SMARCB1: variants seen among roughly 807,000 people sequenced by gnomAD.
The protein encoded by SMARCB1 is SWI/SNF related BAF chromatin remodeling complex subunit B1.
SMARCB1 carries 5 observed loss-of-function variants against 49.0 expected under a neutral mutation model. The ratio of observed to expected loss-of-function variants is 0.10; its 90% confidence interval spans 0.05 to 0.21. The LOEUF (loss-of-function observed/expected upper bound fraction) is 0.21, where lower values mean the gene tolerates loss of function less well. Ranked by LOEUF, SMARCB1 falls within the 10% of genes least tolerant of loss-of-function variation. The pLI, the probability that SMARCB1 is intolerant of heterozygous loss-of-function variation, is 1.00. For missense variants in SMARCB1, 226 were observed against 509.2 expected (o/e 0.44, Z 5.35); for synonymous variants, 201 against 200.1 (o/e 1.00, Z -0.04).
At chr22:23,834,074 C>G (rs2146044282) in intron 8 of SMARCB1, 67 bp from the exon 9 acceptor site, 1 of 1,521,816 alleles carries the variant, frequency 6.6e-7, no homozygotes, top group South Asian at 1.2e-5. Flanking sequence ...CCTGTAGAGC[C>G]TTGGGAAGGG....
At position 23,825,432 on chromosome 22, in the gene SMARCB1, GTCTC is replaced by G. The variant is rs1365585745; in HGVS notation, c.986+20_986+23del. The G allele has an allele frequency of 2.5e-6, 4 of 1,608,430 alleles. No individual in the cohort carries two copies. The highest frequency in any genetic ancestry group is 3.4e-6 in the Non-Finnish European group (4 of 1,175,000). The stretch of plus-strand genomic sequence containing the variant: ...CGCCTTCAGGTAGGATCATGCATGA[GTCTC>G]TCCCTCCCTCATCTCCCTGCAAAAC... On this transcript the variant is annotated intron_variant, in intron 7 of 8. Transcript: ENST00000644036.
chr22:23,833,986 C>G (rs900023752), intron 8 of SMARCB1, among the ~76,000 whole-genome samples, 155 bp from the exon 9 acceptor site: 1 of 152,192 alleles, frequency 6.6e-6, no homozygotes, highest in African/African-American at 2.4e-5. Flanking sequence ...GGCAGACAGG[C>G]GAGGCTGAGA....
In SMARCB1 at chr22:23,837,460, GTC is replaced by G; in HGVS notation, c.*3281_*3282del. On this transcript the variant is annotated 3_prime_UTR_variant, in exon 9 of 9. Coordinates refer to ENST00000644036, the MANE Select transcript of SMARCB1 (RefSeq NM_003073.5). ...GGACCGTGCAAGCATCAGTAGATCC[GTC>G]CTGACGATGCAAATTATGTGGGCCG... 1 of 669,432 alleles carries G rather than the reference GTC, an allele frequency of 1.5e-6. No individual in the cohort carries two copies. Among genetic ancestry groups the G allele is most frequent in the Non-Finnish European group, 2.5e-6 (1 of 397,686 alleles). 41.5% of individuals were successfully genotyped at this position (669,432 alleles called of 1,614,324 possible). A position where few individuals can be genotyped will look rare whatever the true frequency, so the allele number is the denominator to read the frequency against.
At chr22:23,828,567 T>C (rs2146032989) in intron 7 of SMARCB1, among the ~76,000 whole-genome samples, 1 of 152,184 alleles carries the variant, frequency 6.6e-6, no homozygotes, top group South Asian at 2.1e-4. Context: ...GGCAGGAGAA[T>C]TGCTTGAACC....
At chr22:23,797,988 G>A (rs1237042342) in intron 3 of SMARCB1, among the ~76,000 whole-genome samples, 2 of 152,190 alleles carry the variant, frequency 1.3e-5, no homozygotes, top group African/African-American at 2.4e-5. Context: ...CACATTCACT[G>A]TGTCTAGTGA....
At chr22:23,811,245 A>T (rs1224497355) in intron 5 of SMARCB1, among the ~76,000 whole-genome samples, 1 of 152,228 alleles carries the variant, frequency 6.6e-6, no homozygotes, top group East Asian at 1.9e-4. Flanking sequence ...TATGTGAAAC[A>T]GTATCAGATA....
rs1054142910 is a variant in SMARCB1 at position 23,792,022 on chromosome 22, G to A, written c.232+128G>A. On this transcript the variant is annotated intron_variant, in intron 2 of 8. Coordinates refer to ENST00000644036, the MANE Select transcript of SMARCB1 (RefSeq NM_003073.5). ...TTAGTCGGGCAGGGAGCATCCCGGGGTGGGCCGCCCTGTGAGCACTCCAGG... is the reference window on the plus strand; with the variant it reads ...TTAGTCGGGCAGGGAGCATCCCGGGATGGGCCGCCCTGTGAGCACTCCAGG... 8.0e-6 allele frequency: 8 copies of A among 1,000,576 alleles called. No individual in the cohort carries two copies. In the Middle Eastern group the frequency reaches 1.0e-3, roughly 126 times the overall value. The allele number at this position is 1,000,576 out of a possible 1,614,324, so 62.0% of individuals were successfully genotyped here.
In SMARCB1 at chr22:23,793,369, A is replaced by G. The variant is rs1015333100; in HGVS notation, c.233-190A>G. The G allele has an allele frequency of 9.7e-6, 7 of 719,174 alleles. No homozygotes were observed. The Admixed American group carries it at 1.1e-4, about 11-fold the overall frequency. The allele number at this position is 719,174 out of a possible 1,614,324, so 44.5% of individuals were successfully genotyped here. A position where few individuals can be genotyped will look rare whatever the true frequency, so the allele number is the denominator to read the frequency against. The stretch of plus-strand genomic sequence containing the variant: ...AGTCCCATTGGAGGCTCTACCCAGC[A>G]GGACTTGTAAGTAAAGCACTCAGTC... On this transcript the variant is annotated intron_variant, in intron 2 of 8. Transcript: ENST00000644036.
chr22:23,809,275 C>CT (rs1259830307), intron 5 of SMARCB1, among the ~76,000 whole-genome samples: 16,199 of 134,314 alleles, frequency 0.12, 1,052 homozygotes, highest in South Asian at 0.18. Flanking sequence ...ATTGGACATT[C>CT]TTTTTTTTTT....
At position 23,837,527 on chromosome 22, in the gene SMARCB1, GCAGGAAGAT is replaced by G. The variant is rs2031173549; in HGVS notation, c.*3348_*3356del. 1 of 954,078 alleles carries G rather than the reference GCAGGAAGAT, an allele frequency of 1.0e-6. No homozygotes were observed. Among genetic ancestry groups the G allele is most frequent in the African/African-American group, 1.7e-5 (1 of 60,118 alleles). 59.1% of individuals were successfully genotyped at this position (954,078 alleles called of 1,614,324 possible). ...CTGTAAGAGCACAGCAGCTGGGAGG[GCAGGAAGAT>G]GGGGATGGAGCCAGGTGTGAGGAGA... On this transcript the variant is annotated 3_prime_UTR_variant, in exon 9 of 9. Coordinates refer to ENST00000644036, the MANE Select transcript of SMARCB1 (RefSeq NM_003073.5).
intron 7 of SMARCB1, among the ~76,000 whole-genome samples, chr22:23,829,139 G>A (rs1386583715): frequency 2.0e-5 from 3 of 152,366 alleles, no homozygotes; most frequent in African/African-American, 4.8e-5. Flanking sequence ...CACCTCCCCT[G>A]GGCCAGCCCT....
At chr22:23,828,346 C>G (rs534906969) in intron 7 of SMARCB1, among the ~76,000 whole-genome samples, 10 of 151,072 alleles carry the variant, frequency 6.6e-5, no homozygotes, top group African/African-American at 2.4e-4. Context: ...CCACCGCGCT[C>G]GGCCACATGA....
At chr22:23,810,538 A>AAG (rs1929806260) in intron 5 of SMARCB1, among the ~76,000 whole-genome samples, 1 of 150,898 alleles carries the variant, frequency 6.6e-6, no homozygotes, top group Non-Finnish European at 1.5e-5. Context: ...AAAAAAAAAA[A>AAG]AAAAAAAAAG....
At chr22:23,825,887 A>G (rs1248424114) in intron 7 of SMARCB1, 3 of 171,016 alleles carry the variant, frequency 1.8e-5, no homozygotes, top group Admixed American at 5.4e-5. Flanking sequence ...TTACTCTAGT[A>G]TCTCTGCCTT....
chr22:23,826,459 TC>T (rs1367557265), intron 7 of SMARCB1, among the ~76,000 whole-genome samples: 2 of 149,712 alleles, frequency 1.3e-5, no homozygotes, highest in Non-Finnish European at 3.0e-5. Flanking sequence ...GGTTGAACTC[TC>T]CCGGCTCAGC....
chr22:23,795,862 C>A, intron 3 of SMARCB1, among the ~76,000 whole-genome samples: 1 of 146,012 alleles, frequency 6.8e-6, no homozygotes. Flanking sequence ...ATGATGTCGG[C>A]TCACTGCAAC....
intron 5 of SMARCB1, among the ~76,000 whole-genome samples, chr22:23,808,503 G>T (rs563499498): frequency 6.8e-6 from 1 of 146,652 alleles, no homozygotes; most frequent in Non-Finnish European, 1.5e-5. Context: ...TGATCTGCCC[G>T]CCTCGGCCTC....
chr22:23,838,008 G>A lies in SMARCB1; in HGVS notation c.*3828G>A. Reference sequence around the variant, plus strand: ...CCAATAAAGGCGACACACTCCACGGGCTTCAGGTCCCACGAAATCTGCCCT... The same window carrying A: ...CCAATAAAGGCGACACACTCCACGGACTTCAGGTCCCACGAAATCTGCCCT... On this transcript the variant is annotated 3_prime_UTR_variant, in exon 9 of 9. Transcript: ENST00000644036. 1 of 1,260,052 alleles carries A rather than the reference G, an allele frequency of 7.9e-7. No individual in the cohort carries two copies. The highest frequency in any genetic ancestry group is 1.1e-6 in the Non-Finnish European group (1 of 932,874). The allele number at this position is 1,260,052 out of a possible 1,614,324, so 78.1% of individuals were successfully genotyped here.
chr22:23,838,001 T>A lies in SMARCB1; in HGVS notation c.*3821T>A. 1 of 1,245,246 alleles carries A rather than the reference T, an allele frequency of 8.0e-7. No homozygotes were observed. The highest frequency in any genetic ancestry group is 1.1e-6 in the Non-Finnish European group (1 of 919,442). 77.1% of individuals were successfully genotyped at this position (1,245,246 alleles called of 1,614,324 possible). ...AGCCAGTCCAATAAAGGCGACACAC[T>A]CCACGGGCTTCAGGTCCCACGAAAT... On this transcript the variant is annotated 3_prime_UTR_variant, in exon 9 of 9. Transcript: ENST00000644036.
Sources: allele counts gnomAD v4.1 joint callset (sites outside exome capture counted in the v4.1 genomes callset), GRCh38; gene constraint gnomAD v4.1.1; transcripts MANE v1.5; gene names NCBI Gene and HGNC (gene_info 2026-07-23, HGNC 2026-07-21).